Variants in SHANK2 observed in about 807,000 individuals in gnomAD.
The protein encoded by SHANK2 is SH3 and multiple ankyrin repeat domains protein 2.
In SHANK2, 43 loss-of-function variants were observed where a neutral mutation model predicts 133.7. That is an observed-to-expected ratio of 0.32 (90% confidence interval 0.25 to 0.41). The LOEUF (loss-of-function observed/expected upper bound fraction) is 0.41, where lower values mean the gene tolerates loss of function less well. Ranked by LOEUF, SHANK2 falls within the 10% of genes least tolerant of loss-of-function variation. SHANK2 has a pLI of 1.00. For synonymous variants in SHANK2, 1,017 were observed against 952.8 expected, an observed-to-expected ratio of 1.07 and a Z score of -1.24; for missense variants, 1,994 against 2,235.8, an observed-to-expected ratio of 0.89 and a Z score of 2.18.
intron 14 of SHANK2, among the ~76,000 whole-genome samples, chr11:70,769,947 G>C (rs533493221): frequency 6.6e-6 from 1 of 152,328 alleles, no homozygotes; most frequent in South Asian, 2.1e-4. Flanking sequence ...GCTGAAGGGG[G>C]TGGGCATCCA....
At chr11:70,601,088 T>C (rs2060490930) in intron 17 of SHANK2, among the ~76,000 whole-genome samples, 1 of 151,026 alleles carries the variant, frequency 6.6e-6, no homozygotes, top group Admixed American at 6.6e-5. Flanking sequence ...AGTCTTGCTC[T>C]GATGCCCAGG....
intron 17 of SHANK2, among the ~76,000 whole-genome samples, chr11:70,622,947 C>A (rs1031898432): frequency 6.6e-6 from 1 of 150,992 alleles, no homozygotes; most frequent in African/African-American, 2.4e-5. Flanking sequence ...GAGGCCGAGG[C>A]GGGTGGATCA....
In SHANK2 at chr11:71,092,494, G is replaced by A. The variant is rs1392586373; in HGVS notation, c.840C>T (p.Cys280=). The change falls in exon 8 of 26, where the codon TGC becomes TGT. Residue 280 remains cysteine, a synonymous_variant. Coordinates refer to ENST00000601538, the MANE Select transcript of SHANK2 (RefSeq NM_012309.5). ...CGTGTTCGTGCAGGAGAAGCTCGCA[G>A]CAGTAGGGATCACCTCCGACGATGG... ...HTAIVGGDPY[C]CELLLHEHAT... 1 of 1,551,638 alleles carries A rather than the reference G, an allele frequency of 6.4e-7. No homozygotes were observed. The highest frequency in any genetic ancestry group is 8.7e-7 in the Non-Finnish European group (1 of 1,147,014).
chr11:70,635,792 A>G (rs2061069246), intron 17 of SHANK2, among the ~76,000 whole-genome samples: 1 of 151,946 alleles, frequency 6.6e-6, no homozygotes, highest in Admixed American at 6.6e-5. Flanking sequence ...AATGGAGCAA[A>G]TGGCGGCTGT....
intron 3 of SHANK2, among the ~76,000 whole-genome samples, chr11:71,139,289 G>A (rs1473602369): frequency 6.7e-6 from 1 of 148,436 alleles, no homozygotes; most frequent in Non-Finnish European, 1.5e-5. Flanking sequence ...GACAAAGGCC[G>A]CCACAGCCCC....
At chr11:70,635,808 C>G (rs1368447278) in intron 17 of SHANK2, among the ~76,000 whole-genome samples, 1 of 152,022 alleles carries the variant, frequency 6.6e-6, no homozygotes, top group African/African-American at 2.4e-5. Context: ...GCTGTGATCT[C>G]TTGGGGGCCA....
intron 17 of SHANK2, among the ~76,000 whole-genome samples, chr11:70,517,900 TG>T (rs1181097518): frequency 3.9e-5 from 6 of 152,150 alleles, no homozygotes; most frequent in Admixed American, 1.3e-4. Context: ...CTCAACTGTG[TG>T]GGACATTTGC....
At chr11:70,619,504 G>A (rs1383194751) in intron 17 of SHANK2, among the ~76,000 whole-genome samples, 3 of 152,188 alleles carry the variant, frequency 2.0e-5, no homozygotes, top group African/African-American at 7.2e-5. Flanking sequence ...CCCCCTAAGC[G>A]ATCCGTGATG....
intron 17 of SHANK2, among the ~76,000 whole-genome samples, chr11:70,584,058 C>T (rs1268004666): frequency 1.3e-5 from 2 of 152,174 alleles, no homozygotes; most frequent in Non-Finnish European, 2.9e-5. Flanking sequence ...CCCCGGCCGA[C>T]CCCCAGAGCC....
intron 17 of SHANK2, among the ~76,000 whole-genome samples, chr11:70,509,709 A>G (rs1283511504): frequency 1.3e-5 from 2 of 152,178 alleles, no homozygotes; most frequent in Non-Finnish European, 2.9e-5. Flanking sequence ...TGGGGTTGGG[A>G]GGCGGGGACT....
chr11:70,595,837 T>A (rs1490839587), intron 17 of SHANK2, among the ~76,000 whole-genome samples: 2 of 152,234 alleles, frequency 1.3e-5, no homozygotes, highest in Non-Finnish European at 1.5e-5. Flanking sequence ...GTGGCCTGAT[T>A]TGGACACGGG....
chr11:70,611,024 C>T (rs1225752004), intron 17 of SHANK2, among the ~76,000 whole-genome samples: 2 of 152,160 alleles, frequency 1.3e-5, no homozygotes, highest in Admixed American at 1.3e-4. Flanking sequence ...TTTGAACGTC[C>T]AGAAAAAGGC....
At chr11:70,920,061 G>T (rs1950328853) in intron 10 of SHANK2, among the ~76,000 whole-genome samples, 1 of 152,194 alleles carries the variant, frequency 6.6e-6, no homozygotes, top group African/African-American at 2.4e-5. Flanking sequence ...ACATCTCTGA[G>T]CCTCAGTGTT....
rs2135642375 is a variant in SHANK2 at position 70,469,526 on chromosome 11, T to G, written c.*3343A>C. On this transcript the variant is annotated 3_prime_UTR_variant, in exon 26 of 26. Coordinates refer to ENST00000601538, the MANE Select transcript of SHANK2 (RefSeq NM_012309.5). ...AGAAAGTGCAAATTACAGGAGCTTT[T>G]TTTTTTTTTTATAAAGTCTAAAAAG... The G allele has an allele frequency of 6.6e-6, 1 of 152,506 alleles. No homozygotes were observed. The highest frequency in any genetic ancestry group is 6.5e-5 in the Admixed American group (1 of 15,290). 9.4% of individuals were successfully genotyped at this position (152,506 alleles called of 1,614,324 possible).
intron 8 of SHANK2, among the ~76,000 whole-genome samples, chr11:71,082,056 AC>A (rs1951308177): frequency 6.6e-6 from 1 of 152,142 alleles, no homozygotes; most frequent in Non-Finnish European, 1.5e-5. Flanking sequence ...AAGGGCCAGA[AC>A]CCTGTTCACA....
intron 11 of SHANK2, among the ~76,000 whole-genome samples, chr11:70,825,118 C>G (rs1165255825): frequency 1.3e-5 from 2 of 152,144 alleles, no homozygotes; most frequent in Non-Finnish European, 2.9e-5. Context: ...AGCCAATTCT[C>G]TTTTTCTGAC....
intron 10 of SHANK2, among the ~76,000 whole-genome samples, chr11:70,899,673 G>A (rs1268377409): frequency 6.6e-6 from 1 of 152,232 alleles, no homozygotes; most frequent in Non-Finnish European, 1.5e-5. Flanking sequence ...CTTAGGTGAT[G>A]TGGACCCATG....
rs147642008 is a variant in SHANK2 at position 70,739,560 on chromosome 11, T to C, written c.1778-40797A>G. Among the ~76,000 whole-genome samples the C allele has an allele frequency of 1.3e-5, 2 of 152,182 alleles. No homozygotes were observed. Among genetic ancestry groups the C allele is most frequent in the African/African-American group, 4.8e-5 (2 of 41,534 alleles). ...GTGGCTGCTGGGCTCCACCAGATCA[T>C]GTGATTTGTCTTGTTCTGGTTTCAG... On this transcript the variant is annotated intron_variant, in intron 14 of 25. Coordinates refer to ENST00000601538, the MANE Select transcript of SHANK2 (RefSeq NM_012309.5). The surrounding 1 kb of genome is among the most constrained non-coding windows in gnomAD (Gnocchi z 4.3).
intron 9 of SHANK2, among the ~76,000 whole-genome samples, chr11:71,065,869 G>C (rs2135949246): frequency 7.2e-6 from 1 of 138,470 alleles, no homozygotes; most frequent in East Asian, 2.3e-4. Context: ...TGAGCGGTGA[G>C]TGGGGAAGTT....
Sources: gnomAD v4.1 joint callset for allele counts (sites outside exome capture counted in the v4.1 genomes callset) on GRCh38, gnomAD v4.1.1 for gene constraint, Gnocchi (gnomAD v3.1) non-coding constraint, MANE v1.5 for transcripts, NCBI Gene and HGNC (gene_info 2026-07-23, HGNC 2026-07-21) for gene names.